Variants in MANBAL observed in about 807,000 individuals in gnomAD.
MANBAL encodes mannosidase beta like, also known as protein MANBAL.
In MANBAL, 1 loss-of-function variant was observed where a neutral mutation model predicts 6.4. The ratio of observed to expected loss-of-function variants is 0.16; its 90% CI spans 0.06 to 0.74. MANBAL has a LOEUF of 0.74. Among genes scored for constraint, MANBAL ranks in the 30% least tolerant of loss-of-function variants. The pLI is 0.78. For synonymous variants in MANBAL, 47 were observed against 45.8 expected (o/e 1.03, Z -0.10); for missense variants, 100 against 107.8 (o/e 0.93, Z 0.32).
chr20:37,308,639 C>T (rs914776752), intron 2 of MANBAL, among the ~76,000 whole-genome samples: 32 of 152,112 alleles, frequency 2.1e-4, no homozygotes, highest in African/African-American at 7.5e-4. Context: ...GGTCCATAGC[C>T]TCTCTACATG....
chr20:37,308,788 G>T (rs1286973718), intron 2 of MANBAL, among the ~76,000 whole-genome samples: 1 of 152,158 alleles, frequency 6.6e-6, no homozygotes, highest in Non-Finnish European at 1.5e-5. Flanking sequence ...GTGCACGAAG[G>T]TAACTAAGCA....
At chr20:37,289,711 G>C (rs977310027) in intron 1 of MANBAL, 25 bp downstream of exon 1, 1 of 152,326 alleles carries the variant, frequency 6.6e-6, no homozygotes, top group South Asian at 2.1e-4. Context: ...TTTGCGGTGG[G>C]GTGGGAACCG....
At chr20:37,308,309 C>T (rs2059182257) in intron 2 of MANBAL, among the ~76,000 whole-genome samples, 1 of 152,154 alleles carries the variant, frequency 6.6e-6, no homozygotes, top group Admixed American at 6.5e-5. Context: ...CTTTCTCTCC[C>T]TCTCTCAAGT....
At chr20:37,310,567 G>T (rs1476500839) in intron 2 of MANBAL, among the ~76,000 whole-genome samples, 1 of 152,242 alleles carries the variant, frequency 6.6e-6, no homozygotes, top group African/African-American at 2.4e-5. Context: ...AATCCACATT[G>T]AACTGTAGAG....
chr20:37,306,283 C>G (rs2069256192), intron 2 of MANBAL, among the ~76,000 whole-genome samples: 1 of 152,136 alleles, frequency 6.6e-6, no homozygotes, highest in South Asian at 2.1e-4. Context: ...GATGGGAAAG[C>G]CTTTGAAAAG....
At chr20:37,292,572 C>T (rs1360864194) in intron 1 of MANBAL, among the ~76,000 whole-genome samples, 1 of 152,132 alleles carries the variant, frequency 6.6e-6, no homozygotes, top group African/African-American at 2.4e-5. Flanking sequence ...TTACAGGAAT[C>T]CCCTCTCCTG....
chr20:37,299,536 A>T (rs1025017728), intron 1 of MANBAL, among the ~76,000 whole-genome samples: 1 of 152,226 alleles, frequency 6.6e-6, no homozygotes, highest in Non-Finnish European at 1.5e-5. Flanking sequence ...ACCATATTGG[A>T]TAGCTCAGAC....
Position 37,298,318 on chromosome 20 carries a change from C to T in MANBAL, c.-56-2890C>T, listed in dbSNP as rs186242109. Among the ~76,000 whole-genome samples the T allele has an allele frequency of 7.9e-5, 12 of 152,178 alleles. No homozygotes were observed. In the East Asian group the frequency reaches 2.1e-3, roughly 27 times the overall value. On this transcript the variant is annotated intron_variant, in intron 1 of 2. Coordinates refer to ENST00000373606, the MANE Select transcript of MANBAL (RefSeq NM_001003897.2). ...AGTGGTATTTGCAGTGTTGTATAAC[C>T]GTCATCACTGTCTATTTCTAGAACT...
chr20:37,291,633 A>G (rs1279861273), intron 1 of MANBAL, among the ~76,000 whole-genome samples: 1 of 152,146 alleles, frequency 6.6e-6, no homozygotes, highest in African/African-American at 2.4e-5. Context: ...GTCCCCACCC[A>G]AATCTCATCT....
intron 1 of MANBAL, chr20:37,297,271 C>A (rs1172312815): frequency 6.6e-6 from 1 of 152,068 alleles, no homozygotes; most frequent in Non-Finnish European, 1.5e-5. Context: ...TTGTATTTGA[C>A]CAAAAATGGT....
intron 1 of MANBAL, among the ~76,000 whole-genome samples, chr20:37,290,512 G>T (rs1600890328): frequency 1.3e-5 from 2 of 151,922 alleles, no homozygotes; most frequent in South Asian, 4.1e-4. Context: ...ACGCTGAAGG[G>T]CAGTGGCGGG....
chr20:37,314,535 G>A (rs2069460874), intron 2 of MANBAL, among the ~76,000 whole-genome samples: 1 of 152,194 alleles, frequency 6.6e-6, no homozygotes, highest in Admixed American at 6.5e-5. Flanking sequence ...GATCCAGGCA[G>A]GCCTTGCAAA....
At chr20:37,315,262 G>A (rs764633750) in intron 2 of MANBAL, among the ~76,000 whole-genome samples, 2 of 152,188 alleles carry the variant, frequency 1.3e-5, no homozygotes, top group Non-Finnish European at 2.9e-5. Flanking sequence ...AAACACTGCC[G>A]GCCAGATGAA....
At position 37,292,426 on chromosome 20, in the gene MANBAL, T is replaced by C. The variant is rs375698640; in HGVS notation, c.-57+2740T>C. ...AAGTGATTCTCCTGCCTCAGCCTCCTGAGTAGCTGGGATTACAGGCACCTA... is the reference window on the plus strand; with the variant it reads ...AAGTGATTCTCCTGCCTCAGCCTCCCGAGTAGCTGGGATTACAGGCACCTA... On this transcript the variant is annotated intron_variant, in intron 1 of 2. Transcript: ENST00000373606. 2.5e-3 allele frequency among the ~76,000 whole-genome samples: 374 copies of C among 152,258 alleles called. 4 individuals carry two copies. Among genetic ancestry groups the C allele is most frequent in the African/African-American group, 8.7e-3 (360 of 41,546 alleles).
Position 37,316,299 on chromosome 20 carries a change from A to C in MANBAL, c.151-9A>C, listed in dbSNP as rs2069514391. 1 of 1,611,950 alleles carries C rather than the reference A, an allele frequency of 6.2e-7. No homozygotes were observed. The highest frequency in any genetic ancestry group is 1.3e-5 in the African/African-American group (1 of 74,834). On this transcript the variant is annotated splice_polypyrimidine_tract_variant and intron_variant, in intron 2 of 2. Transcript: ENST00000373606. ...TCTAAGCAGGACTCTCCTTTTTATC[A>C]CCTCACAGGAGGCTGAACCGTCTGA...
chr20:37,308,809 G>C (rs2069317344), intron 2 of MANBAL, among the ~76,000 whole-genome samples: 1 of 152,180 alleles, frequency 6.6e-6, no homozygotes, highest in Non-Finnish European at 1.5e-5. Context: ...AGTGGGTGTA[G>C]ACTTTGAGTT....
chr20:37,306,126 G>GGAGGACC lies in MANBAL; in HGVS notation c.150+4713_150+4714insGAGGACC, dbSNP rs1265448092. On this transcript the variant is annotated intron_variant, in intron 2 of 2. Transcript: ENST00000373606. ...AGGGTGGCAGGAGGTAGGAGAGGGGGCAGAAGTGAGGGTGGGAGGACCCAG... is the reference window on the plus strand; with the variant it reads ...AGGGTGGCAGGAGGTAGGAGAGGGGGGAGGACCCAGAAGTGAGGGTGGGAGGACCCAG... Among the ~76,000 whole-genome samples the GGAGGACC allele has an allele frequency of 8.5e-5, 13 of 152,176 alleles. No homozygotes were observed. The East Asian group carries it at 2.5e-3, about 29-fold the overall frequency.
intron 2 of MANBAL, among the ~76,000 whole-genome samples, chr20:37,307,618 G>A (rs558110089): frequency 9.2e-5 from 14 of 152,080 alleles, no homozygotes; most frequent in South Asian, 2.1e-4. Context: ...CTAGCCAGGC[G>A]TGGTAGTGTG....
intron 2 of MANBAL, among the ~76,000 whole-genome samples, chr20:37,311,997 C>T (rs973836635): frequency 1.0e-4 from 15 of 149,846 alleles, no homozygotes; most frequent in African/African-American, 2.5e-5. Flanking sequence ...AATGGACAGA[C>T]CTTGGGGACA....
Sources: allele counts gnomAD v4.1 joint callset (sites outside exome capture counted in the v4.1 genomes callset), GRCh38; gene constraint gnomAD v4.1.1; transcripts MANE v1.5; gene names NCBI Gene and HGNC (gene_info 2026-07-23, HGNC 2026-07-21).